The following PTCH2 variants were observed in gnomAD, a reference collection of about 807,000 sequenced individuals.
PTCH2 encodes protein patched homolog 2.
A neutral mutation model predicts 117.9 loss-of-function variants in PTCH2; 96 were observed. The observed-to-expected ratio is 0.81, with a 90% CI of 0.69 to 0.96. The LOEUF is 0.96. PTCH2 is among the 50% of genes least tolerant of loss of function. PTCH2 has a pLI of 0.00. For missense variants in PTCH2, 1,379 were observed against 1,562.5 expected (o/e 0.88, Z 1.98); for synonymous variants, 615 against 660.9 (o/e 0.93, Z 1.06).
chr1:44,823,392 A>T lies in PTCH2; in HGVS notation c.3115-7T>A. 6.2e-7 allele frequency: 1 copy of T among 1,614,132 alleles called. No individual in the cohort carries two copies. Among genetic ancestry groups the T allele is most frequent in the Non-Finnish European group, 8.5e-7 (1 of 1,180,030 alleles). Reference sequence around the variant, plus strand: ...CCTGGGTGGTCAGGAAGCCCTAGGAAAACAGAGTGGTCCTGGAGCTGCTCC... The same window carrying T: ...CCTGGGTGGTCAGGAAGCCCTAGGATAACAGAGTGGTCCTGGAGCTGCTCC... On this transcript the variant is annotated splice_polypyrimidine_tract_variant and splice_region_variant and intron_variant, in intron 19 of 21. Coordinates refer to ENST00000372192, the MANE Select transcript of PTCH2 (RefSeq NM_003738.5). This position sits in a 1 kb window ranked among gnomAD's most constrained non-coding sequence, Gnocchi z 5.1.
chr1:44,823,120 A>G lies in PTCH2; in HGVS notation c.3306T>C (p.His1102=), dbSNP rs775124440. ...GCAGCACAGGCAGCAGCACGAGTCC[A>G]TGGAGGAGGCCCAGGAGCGTGAGCA... ...LTVLTLLGLL[H]GLVLLPVLLS... The change falls in exon 21 of 22, where the codon CAT becomes CAC. Residue 1102 remains histidine (H), a synonymous_variant. Coordinates refer to ENST00000372192, the MANE Select transcript of PTCH2 (RefSeq NM_003738.5). The surrounding 1 kb of genome is among the most constrained non-coding windows in gnomAD (Gnocchi z 5.1). 9 of 1,614,014 alleles carry G rather than the reference A, an allele frequency of 5.6e-6. No individual in the cohort carries two copies. The South Asian group carries it at 7.7e-5, about 14-fold the overall frequency.
Position 44,826,693 on chromosome 1 carries a change from A to G in PTCH2, c.2771T>C (p.Val924Ala). 1.2e-6 allele frequency: 2 copies of G among 1,605,876 alleles called. No individual in the cohort carries two copies. The highest frequency in any genetic ancestry group is 1.7e-6 in the Non-Finnish European group (2 of 1,175,278). Reference protein sequence around the residue: ...LRGLQKTADFVEAIEGARAAC... With the variant: ...LRGLQKTADFAEAIEGARAAC... ...TGCCCGGGCCCCCTCGATGGCCTCC[A>G]CAAAGTCTGCAGTCTTCTGGAGGCC... The change falls in exon 18 of 22, where the codon GTG becomes GCG. Residue 924 changes from valine to alanine, a missense_variant. Transcript: ENST00000372192. This position sits in a 1 kb window ranked among gnomAD's most constrained non-coding sequence, Gnocchi z 5.1.
intron 2 of PTCH2, among the ~76,000 whole-genome samples, chr1:44,832,797 G>C (rs980085587): frequency 6.6e-6 from 1 of 152,196 alleles, no homozygotes; most frequent in Admixed American, 6.5e-5. Flanking sequence ...TAAAAGAACA[G>C]GTGTAGGGCT....
At chr1:44,821,306 C>T (rs980345231), downstream of PTCH2, among the ~76,000 whole-genome samples, 2 of 152,204 alleles carry the variant, frequency 1.3e-5, no homozygotes, top group Non-Finnish European at 1.5e-5. Context: ...TACGCTGTGT[C>T]CTCACTAACT....
chr1:44,821,780 A>G (rs1652922629), downstream of PTCH2: 1 of 1,324,572 alleles, frequency 7.5e-7, no homozygotes, highest in African/African-American at 1.5e-5. Context: ...TGATGTTACC[A>G]AGTATATGAC....
chr1:44,832,262 C>T lies in PTCH2; in HGVS notation c.345G>A (p.Leu115=), dbSNP rs754450144. 1 of 1,614,222 alleles carries T rather than the reference C, an allele frequency of 6.2e-7. No homozygotes were observed. The highest frequency in any genetic ancestry group is 8.5e-7 in the Non-Finnish European group (1 of 1,180,044). The change falls in exon 3 of 22, where the codon CTG becomes CTA. Residue 115 remains leucine (L), a synonymous_variant. Coordinates refer to ENST00000372192, the MANE Select transcript of PTCH2 (RefSeq NM_003738.5). ...GEEAAYTSQM[L]IQTARQEGEN... is the part of the protein sequence containing the mutation. ...CTCCCTCCTGGCGTGCGGTCTGTAT[C>T]AGCATCTGAGAGGTGTATGCAGCCT...
downstream of PTCH2, among the ~76,000 whole-genome samples, chr1:44,821,525 TG>T (rs1652912551): frequency 6.6e-6 from 1 of 152,202 alleles, no homozygotes; most frequent in Non-Finnish European, 1.5e-5. Context: ...GCTGCTTTCC[TG>T]ATCTGCCTCC....
chr1:44,825,237 A>G (rs1653089601), intron 19 of PTCH2, among the ~76,000 whole-genome samples: 1 of 151,862 alleles, frequency 6.6e-6, no homozygotes, highest in Non-Finnish European at 1.5e-5. Flanking sequence ...TCCCGGGTTC[A>G]AGTGATTCTC....
At chr1:44,830,600 AAAAAG>A (rs1653394839) in intron 6 of PTCH2, among the ~76,000 whole-genome samples, 1 of 150,494 alleles carries the variant, frequency 6.6e-6, no homozygotes, top group African/African-American at 2.5e-5. Context: ...AAAAAAAAAA[AAAAAG>A]AAGTCCAGCC....
At chr1:44,829,819 T>TGTGAAGG in intron 7 of PTCH2, 58 bp from the exon 8 acceptor site, 1 of 1,613,970 alleles carries the variant, frequency 6.2e-7, no homozygotes. Context: ...TGGTGAGGGA[T>TGTGAAGG]GTGAAGGGCC....
intron 14 of PTCH2, 34 bp from the exon 15 acceptor site, chr1:44,827,748 G>T (rs1413059307): frequency 1.9e-6 from 3 of 1,611,340 alleles, no homozygotes; most frequent in Admixed American, 3.3e-5. Context: ...GGAGACCCCA[G>T]GGCTGCCCCC....
At chr1:44,819,940 A>G (rs894281328), downstream of PTCH2, 1 of 153,402 alleles carries the variant, frequency 6.5e-6, no homozygotes, top group Non-Finnish European at 1.5e-5. Context: ...CTTTCTCTCC[A>G]CGGAAATCTT....
In PTCH2 at chr1:44,823,028, T is replaced by C. The variant is rs200961182; in HGVS notation, c.3357+41A>G. On this transcript the variant is annotated intron_variant, in intron 21 of 21. Transcript: ENST00000372192. This position sits in a 1 kb window ranked among gnomAD's most constrained non-coding sequence, Gnocchi z 5.1. Reference sequence around the variant, plus strand: ...CCCTTGCCTCTCCCTACCCCGTCCCTTGGGCTGGGAGTAGAGGGATGGTGC... The same window carrying C: ...CCCTTGCCTCTCCCTACCCCGTCCCCTGGGCTGGGAGTAGAGGGATGGTGC... The C allele has an allele frequency of 4.7e-5, 75 of 1,589,452 alleles. No homozygotes were observed. In the African/African-American group the frequency reaches 9.4e-4, roughly 20 times the overall value.
chr1:44,826,466 C>T lies in PTCH2; in HGVS notation c.2976+22G>A, dbSNP rs1653146084. On this transcript the variant is annotated intron_variant, in intron 18 of 21. Transcript: ENST00000372192. This position sits in a 1 kb window ranked among gnomAD's most constrained non-coding sequence, Gnocchi z 5.1. ...GCAGGGAAGGGTGGGGTGTCTCTGTCCCCACTCCTGCAAGCACTCACTATG... is the reference window on the plus strand; with the variant it reads ...GCAGGGAAGGGTGGGGTGTCTCTGTTCCCACTCCTGCAAGCACTCACTATG... The T allele has an allele frequency of 6.2e-7, 1 of 1,613,686 alleles. No homozygotes were observed. Among genetic ancestry groups the T allele is most frequent in the Non-Finnish European group, 8.5e-7 (1 of 1,179,970 alleles).
chr1:44,829,852 T>G, intron 7 of PTCH2, 57 bp downstream of exon 7: 1 of 1,613,842 alleles, frequency 6.2e-7, no homozygotes, highest in Non-Finnish European at 8.5e-7. Context: ...TGCCTGGCAT[T>G]ACAGTATGGG....
chr1:44,833,507 G>GCTCA (rs985033108), intron 2 of PTCH2, among the ~76,000 whole-genome samples: 28 of 148,626 alleles, frequency 1.9e-4, no homozygotes, highest in Middle Eastern at 3.4e-3. Context: ...CCTGATCATA[G>GCTCA]CTCACTATAG....
chr1:44,828,556 G>A lies in PTCH2; in HGVS notation c.1540C>T (p.Leu514Phe), dbSNP rs1166767159. The A allele has an allele frequency of 1.2e-6, 2 of 1,613,970 alleles. No homozygotes were observed. The highest frequency in any genetic ancestry group is 4.5e-5 in the East Asian group (2 of 44,890). ...LTSINNMAAF[L>F]MAALVPIPAL... The stretch of plus-strand genomic sequence containing the variant: ...GGGATGGGAACGAGGGCAGCCATGA[G>A]GAAGGCGGCCATGTTGTTGATGGAT... Residue 514 changes from leucine to phenylalanine, a missense_variant, in exon 12 of 22, where the codon CTC (leucine) becomes TTC (phenylalanine). Physicochemically the swap from Leu to Phe is conservative, Grantham distance 22 (BLOSUM62 0). Coordinates refer to ENST00000372192, the MANE Select transcript of PTCH2 (RefSeq NM_003738.5).
chr1:44,824,249 C>G (rs893067374), intron 19 of PTCH2, among the ~76,000 whole-genome samples: 2 of 152,180 alleles, frequency 1.3e-5, no homozygotes, highest in African/African-American at 4.8e-5. Flanking sequence ...TTGTACCTTT[C>G]TGCATGCTGG....
rs762521182 is a variant in PTCH2 at position 44,826,583 on chromosome 1, G to A, written c.2881C>T (p.Arg961Trp). ...CAGACGGCCAGCAGGAAGCAGCGCC[G>A]CAGGCCCAGATACTGTTCCCAGAAG... ...FLFWEQYLGL[R>W]RCFLLAVCIL... The change falls in exon 18 of 22, where the codon CGG becomes TGG. Residue 961 changes from arginine to tryptophan, a missense_variant. By Grantham distance (101) the Arg-to-Trp change is moderately radical. Transcript: ENST00000372192. The surrounding 1 kb of genome is among the most constrained non-coding windows in gnomAD (Gnocchi z 5.1). 11 of 1,613,200 alleles carry A rather than the reference G, an allele frequency of 6.8e-6. No homozygotes were observed. Among genetic ancestry groups the A allele is most frequent in the East Asian group, 4.5e-5 (2 of 44,874 alleles).
Sources: allele counts gnomAD v4.1 joint callset (sites outside exome capture counted in the v4.1 genomes callset), GRCh38; gene constraint gnomAD v4.1.1; non-coding constraint Gnocchi (gnomAD v3.1); transcripts MANE v1.5; gene names NCBI Gene and HGNC (gene_info 2026-07-23, HGNC 2026-07-21).